The following TOM1L2 variants were observed in gnomAD, a reference collection of about 807,000 sequenced individuals.
TOM1L2 encodes the protein TOM1-like protein 2.
A neutral mutation model predicts 67.9 loss-of-function variants in TOM1L2; 31 were observed. The observed-to-expected ratio is 0.46, with a 90% CI of 0.34 to 0.62. The LOEUF (loss-of-function observed/expected upper bound fraction) is 0.62. Ranked by LOEUF, TOM1L2 falls within the 20% of genes least tolerant of loss-of-function variation. The pLI, the probability that TOM1L2 is intolerant of heterozygous loss-of-function variation, is 0.01. For missense variants in TOM1L2, 606 were observed against 663.5 expected, an observed-to-expected ratio of 0.91 and a Z score of 0.95; for synonymous variants, 256 against 254.0, an observed-to-expected ratio of 1.01 and a Z score of -0.07.
chr17:17,868,880 C>CA (rs1360909049), intron 8 of TOM1L2: 11 of 166,586 alleles, frequency 6.6e-5, no homozygotes, highest in Admixed American at 6.2e-4. Flanking sequence ...TTGACATTTG[C>CA]AAAGGGAAAA....
At chr17:17,946,036 C>T (rs574051704) in intron 1 of TOM1L2, among the ~76,000 whole-genome samples, 1 of 151,462 alleles carries the variant, frequency 6.6e-6, no homozygotes, top group East Asian at 2.0e-4. Context: ...GCCTGCCTGG[C>T]TAAATTTTTC....
At chr17:17,927,346 T>C (rs929581594) in intron 1 of TOM1L2, among the ~76,000 whole-genome samples, 1 of 152,230 alleles carries the variant, frequency 6.6e-6, no homozygotes, top group Admixed American at 6.5e-5. Flanking sequence ...CCACCCTATG[T>C]GGCGCAAACC....
intron 1 of TOM1L2, among the ~76,000 whole-genome samples, chr17:17,959,367 A>G (rs2041595870): frequency 6.6e-6 from 1 of 152,224 alleles, no homozygotes; most frequent in Non-Finnish European, 1.5e-5. Context: ...AAACAACAAA[A>G]AAATCCCTGC....
At chr17:17,929,082 T>C (rs1392968433) in intron 1 of TOM1L2, among the ~76,000 whole-genome samples, 1 of 152,198 alleles carries the variant, frequency 6.6e-6, no homozygotes, top group Non-Finnish European at 1.5e-5. Flanking sequence ...GAACGGGCCT[T>C]TCCTTGGCTA....
intron 1 of TOM1L2, among the ~76,000 whole-genome samples, chr17:17,911,933 T>C (rs2039373172): frequency 1.3e-5 from 2 of 148,740 alleles, no homozygotes; most frequent in African/African-American, 5.0e-5. Context: ...TAACCCTGAG[T>C]GGACACAGCA....
intron 1 of TOM1L2, among the ~76,000 whole-genome samples, chr17:17,956,666 T>C (rs2041466145): frequency 6.6e-6 from 1 of 152,166 alleles, no homozygotes; most frequent in South Asian, 2.1e-4. Context: ...CCGGCGAGAA[T>C]TCCAGCACAG....
intron 1 of TOM1L2, among the ~76,000 whole-genome samples, chr17:17,953,227 C>G (rs2041283201): frequency 6.6e-6 from 1 of 152,160 alleles, no homozygotes; most frequent in African/African-American, 2.4e-5. Context: ...TTGCAGTGAG[C>G]CGAAATCTTG....
chr17:17,895,427 A>G (rs1375736981), intron 3 of TOM1L2, among the ~76,000 whole-genome samples: 1 of 152,268 alleles, frequency 6.6e-6, no homozygotes, highest in Non-Finnish European at 1.5e-5. Context: ...ATAGCCGTAA[A>G]GAAAGGTCCA....
chr17:17,921,762 G>A (rs1458182464), intron 1 of TOM1L2, among the ~76,000 whole-genome samples: 1 of 136,382 alleles, frequency 7.3e-6, no homozygotes, highest in Non-Finnish European at 1.6e-5. Context: ...GGGGTGGGGG[G>A]GTGGGATTCA....
intron 1 of TOM1L2, among the ~76,000 whole-genome samples, chr17:17,951,227 C>T (rs2041194754): frequency 6.6e-6 from 1 of 152,208 alleles, no homozygotes; most frequent in Non-Finnish European, 1.5e-5. Flanking sequence ...CGGCAGTTCC[C>T]TCGCCCACCC....
intron 1 of TOM1L2, among the ~76,000 whole-genome samples, chr17:17,971,571 G>A (rs545744089): frequency 1.3e-5 from 2 of 151,708 alleles, no homozygotes; most frequent in East Asian, 3.9e-4. Context: ...TGCCCAGTCT[G>A]AGGGTTGCTG....
chr17:17,903,421 A>C (rs1743132799), intron 2 of TOM1L2, among the ~76,000 whole-genome samples: 1 of 152,036 alleles, frequency 6.6e-6, no homozygotes, highest in Non-Finnish European at 1.5e-5. Flanking sequence ...AAGGGGATCG[A>C]GACCATGGTG....
At chr17:17,885,920 G>GT (rs2037974700) in intron 4 of TOM1L2, among the ~76,000 whole-genome samples, 1 of 84,730 alleles carries the variant, frequency 1.2e-5, no homozygotes, top group Non-Finnish European at 2.3e-5. Context: ...GCAAGACTCC[G>GT]TCTCAAAAAA....
chr17:17,899,095 C>T (rs1476459939), intron 2 of TOM1L2, among the ~76,000 whole-genome samples: 4 of 152,152 alleles, frequency 2.6e-5, no homozygotes, highest in South Asian at 2.1e-4. Context: ...GAACCAAAGG[C>T]GGAGGGAGGT....
Position 17,845,451 on chromosome 17 carries a change from T to A in TOM1L2, c.*2184A>T, listed in dbSNP as rs2035594399. On this transcript the variant is annotated 3_prime_UTR_variant, in exon 15 of 15. Transcript: ENST00000379504. ...GCGCCTATTTCAGCTTCACGCACTA[T>A]GGAATCCCTGCTCCTTTCAGAGCCT... 1.3e-5 allele frequency: 2 copies of A among 152,256 alleles called. No individual in the cohort carries two copies. Among genetic ancestry groups the A allele is most frequent in the African/African-American group, 4.8e-5 (2 of 41,454 alleles). The allele number at this position is 152,256 out of a possible 1,614,324, so 9.4% of individuals were successfully genotyped here.
intron 1 of TOM1L2, among the ~76,000 whole-genome samples, chr17:17,910,525 C>T (rs2039298726): frequency 6.6e-6 from 1 of 152,072 alleles, no homozygotes; most frequent in Non-Finnish European, 1.5e-5. Context: ...AGAGGTTCTA[C>T]TTTGAATGGT....
chr17:17,920,694 G>A (rs1199598480), intron 1 of TOM1L2, among the ~76,000 whole-genome samples: 1 of 151,930 alleles, frequency 6.6e-6, no homozygotes, highest in African/African-American at 2.4e-5. Flanking sequence ...GAGTGCAGTG[G>A]TGCGATCTCG....
At chr17:17,898,337 C>T (rs1161619144) in intron 3 of TOM1L2, among the ~76,000 whole-genome samples, 1 of 152,186 alleles carries the variant, frequency 6.6e-6, no homozygotes, top group Non-Finnish European at 1.5e-5. Flanking sequence ...CTGCTCTGGG[C>T]TTCTGTACCT....
chr17:17,846,709 T>C lies in TOM1L2; in HGVS notation c.*926A>G, dbSNP rs1185535725. ...GGCTCTTGAGGCAGATGTGTGAGGCTACGGCAGGCCAGGCCACAGCACTGA... is the reference window on the plus strand; with the variant it reads ...GGCTCTTGAGGCAGATGTGTGAGGCCACGGCAGGCCAGGCCACAGCACTGA... On this transcript the variant is annotated 3_prime_UTR_variant, in exon 15 of 15. Coordinates refer to ENST00000379504, the MANE Select transcript of TOM1L2 (RefSeq NM_001082968.2). The C allele has an allele frequency of 1.3e-5, 2 of 152,326 alleles. No individual in the cohort carries two copies. The highest frequency in any genetic ancestry group is 4.8e-5 in the African/African-American group (2 of 41,464). 9.4% of individuals were successfully genotyped at this position (152,326 alleles called of 1,614,324 possible).
Sources: gnomAD v4.1 joint callset for allele counts (sites outside exome capture counted in the v4.1 genomes callset) on GRCh38, gnomAD v4.1.1 for gene constraint, MANE v1.5 for transcripts, NCBI Gene and HGNC (gene_info 2026-07-23, HGNC 2026-07-21) for gene names.